RARB: variants seen among roughly 807,000 people sequenced by gnomAD.
The protein encoded by RARB is HBV-activated protein.
In RARB, 17 loss-of-function variants were observed where a neutral mutation model predicts 51.9. The ratio of observed to expected loss-of-function variants is 0.33; its 90% CI spans 0.22 to 0.49. RARB has a LOEUF of 0.49. Among genes scored for constraint, RARB ranks in the 20% least tolerant of loss-of-function variants. The probability of loss-of-function intolerance (pLI) is 0.99; values close to 1 mark genes in which losing one functional copy is unlikely to be tolerated. For synonymous variants in RARB, 215 were observed against 195.4 expected (o/e 1.10, Z -0.84); for missense variants, 369 against 550.8 (o/e 0.67, Z 3.30).
In RARB at chr3:25,315,675, G is replaced by A. The variant is rs551917171; in HGVS notation, c.178+141100G>A. On this transcript the variant is annotated intron_variant, in intron 5 of 11. Coordinates refer to the RARB transcript ENST00000383772. ...GTCGCCCAGGCTGGAGTACAGTGCC[G>A]CAGTCTCAGCTCACTGCAACCTCTG... is the stretch of plus-strand genomic sequence containing the variant. Among the ~76,000 whole-genome samples the A allele has an allele frequency of 1.0e-3, 155 of 152,184 alleles. 1 individual carries two copies. The Middle Eastern group carries it at 0.014, about 13-fold the overall frequency.
At chr3:25,395,024 G>A (rs1481586078) in intron 5 of RARB, among the ~76,000 whole-genome samples, 3 of 152,186 alleles carry the variant, frequency 2.0e-5, no homozygotes, top group African/African-American at 7.2e-5. Context: ...CTTCAAGGAG[G>A]TTCTATTTTG....
At chr3:25,288,639 A>G (rs928951415) in intron 5 of RARB, among the ~76,000 whole-genome samples, 2 of 152,182 alleles carry the variant, frequency 1.3e-5, no homozygotes, top group East Asian at 3.9e-4. Flanking sequence ...ACCACTGGAG[A>G]TGCTTCCATT....
intron 5 of RARB, among the ~76,000 whole-genome samples, chr3:25,364,346 A>G (rs1452972955): frequency 6.6e-6 from 1 of 152,152 alleles, no homozygotes; most frequent in African/African-American, 2.4e-5. Context: ...GTGGTAAGCA[A>G]TTTTTAAACA....
chr3:25,315,930 C>G (rs1280297168), intron 5 of RARB, among the ~76,000 whole-genome samples: 1 of 152,058 alleles, frequency 6.6e-6, no homozygotes, highest in African/African-American at 2.4e-5. Context: ...ACATTAATCT[C>G]TGTCACCATA....
intron 2 of RARB, among the ~76,000 whole-genome samples, chr3:25,001,728 A>G (rs1438315301): frequency 6.6e-6 from 1 of 152,168 alleles, no homozygotes. Flanking sequence ...TCTTTGCTAA[A>G]TGCAACTCAT....
intron 5 of RARB, among the ~76,000 whole-genome samples, chr3:25,587,747 T>C (rs1394546869): frequency 6.6e-6 from 1 of 152,226 alleles, no homozygotes; most frequent in Non-Finnish European, 1.5e-5. Context: ...ACATTGTTAC[T>C]AGTATCACTA....
At position 25,054,767 on chromosome 3, in the gene RARB, G is replaced by A. The variant is rs1470528378; in HGVS notation, c.-379-5358G>A. On this transcript the variant is annotated intron_variant, in intron 2 of 11. Transcript: ENST00000383772. ...GTTTTGCCAAAGGCCAGACAACCCT[G>A]CTTTGGAATCTGAAAAGAAAACCCA... 2.0e-5 allele frequency among the ~76,000 whole-genome samples: 3 copies of A among 152,130 alleles called. No individual in the cohort carries two copies. The East Asian group carries it at 5.8e-4, about 29-fold the overall frequency.
intron 2 of RARB, among the ~76,000 whole-genome samples, chr3:24,895,740 G>T (rs1440763546): frequency 6.6e-6 from 1 of 151,980 alleles, no homozygotes; most frequent in East Asian, 1.9e-4. Context: ...ATACGAATGT[G>T]GGGAAATAAT....
intron 5 of RARB, among the ~76,000 whole-genome samples, chr3:25,239,958 G>T (rs1448616523): frequency 6.6e-6 from 1 of 151,454 alleles, no homozygotes. Flanking sequence ...GATTTCTTCA[G>T]TTTCTTTCAT....
At chr3:25,434,012 G>C (rs945575432) in intron 1 of RARB, among the ~76,000 whole-genome samples, 1 of 152,170 alleles carries the variant, frequency 6.6e-6, no homozygotes, top group Admixed American at 6.5e-5. Context: ...CCTGTAGGGT[G>C]GGGGAGCTAC....
chr3:25,411,599 G>C (rs1010409595), intron 5 of RARB, among the ~76,000 whole-genome samples: 5 of 152,312 alleles, frequency 3.3e-5, no homozygotes, highest in Middle Eastern at 6.8e-3. Context: ...CTAAATGCCA[G>C]TAGTGACCTC....
chr3:25,065,764 T>G (rs1698648438), intron 3 of RARB, among the ~76,000 whole-genome samples: 1 of 152,136 alleles, frequency 6.6e-6, no homozygotes, highest in Non-Finnish European at 1.5e-5. Flanking sequence ...GTCACACACA[T>G]GAAGAATGAT....
intron 4 of RARB, among the ~76,000 whole-genome samples, chr3:25,579,308 C>G (rs1203420282): frequency 1.3e-5 from 2 of 152,182 alleles, no homozygotes; most frequent in Non-Finnish European, 2.9e-5. Flanking sequence ...AACCTGACTC[C>G]AGTCAAGATG....
intron 1 of RARB, among the ~76,000 whole-genome samples, chr3:25,432,202 T>A (rs1204956539): frequency 6.6e-6 from 1 of 152,134 alleles, no homozygotes; most frequent in African/African-American, 2.4e-5. Context: ...TTTTCCTTCC[T>A]TGTAGAAAAA....
chr3:25,353,897 G>T (rs998761041), intron 5 of RARB, among the ~76,000 whole-genome samples: 1 of 152,042 alleles, frequency 6.6e-6, no homozygotes, highest in Non-Finnish European at 1.5e-5. Flanking sequence ...GCTTTCTAAG[G>T]AGAGAGAACA....
At position 24,989,387 on chromosome 3, in the gene RARB, C is replaced by G. The variant is rs140356607; in HGVS notation, c.-379-70738C>G. On this transcript the variant is annotated intron_variant, in intron 2 of 11. Coordinates refer to the RARB transcript ENST00000383772. The stretch of plus-strand genomic sequence containing the variant: ...TACTTGAAAGTAGGAATTGTTGTTA[C>G]GTAGGAAAACATTACTGAATTAGAA... Among the ~76,000 whole-genome samples the G allele has an allele frequency of 1.3e-5, 2 of 150,088 alleles. 1 individual carries two copies. The highest frequency in any genetic ancestry group is 3.0e-5 in the Non-Finnish European group (2 of 67,572).
At chr3:24,969,621 A>G (rs527420772) in intron 2 of RARB, among the ~76,000 whole-genome samples, 2 of 152,210 alleles carry the variant, frequency 1.3e-5, no homozygotes, top group African/African-American at 2.4e-5. Flanking sequence ...GTCTTTCTCA[A>G]TACATCAAAT....
At chr3:25,021,639 G>C (rs970252690) in intron 2 of RARB, among the ~76,000 whole-genome samples, 1 of 151,846 alleles carries the variant, frequency 6.6e-6, no homozygotes, top group African/African-American at 2.4e-5. Flanking sequence ...ATTCACTTGA[G>C]AGTATTTTTT....
At chr3:25,507,934 C>T (rs73048027) in intron 3 of RARB, among the ~76,000 whole-genome samples, 3,294 of 152,272 alleles carry the variant, frequency 0.022, 50 homozygotes, top group Non-Finnish European at 0.035. Context: ...ATGGAAGGTA[C>T]TGTTGCTGCC....
Sources: allele counts gnomAD v4.1 joint callset (sites outside exome capture counted in the v4.1 genomes callset), GRCh38; gene constraint gnomAD v4.1.1; transcripts MANE v1.5; gene names NCBI Gene and HGNC (gene_info 2026-07-23, HGNC 2026-07-21).